FCRL4: variants seen among roughly 807,000 people sequenced by gnomAD.
FCRL4 encodes the protein Fc receptor like 4.
Under a neutral mutation model 64.1 loss-of-function variants are expected in FCRL4, and 43 were observed. That is an observed-to-expected ratio of 0.67 (90% CI 0.53 to 0.87). The LOEUF is 0.87. Among genes scored for constraint, FCRL4 ranks in the 40% least tolerant of loss-of-function variants. The pLI is 0.00. For synonymous variants in FCRL4, 253 were observed against 239.8 expected (o/e 1.05, Z -0.51); for missense variants, 656 against 613.5 (o/e 1.07, Z -0.73).
chr1:157,590,520 T>C (rs1652815587), intron 2 of FCRL4, among the ~76,000 whole-genome samples: 1 of 116,234 alleles, frequency 8.6e-6, no homozygotes, highest in Admixed American at 7.9e-5. Flanking sequence ...TAGTCTGTCT[T>C]TTTTTTTTTT....
At chr1:157,587,144 A>G (rs1652718972) in intron 5 of FCRL4, 132 bp downstream of exon 5, 1 of 936,204 alleles carries the variant, frequency 1.1e-6, no homozygotes, top group Non-Finnish European at 1.6e-6. Flanking sequence ...TTATTATAGT[A>G]CTGCACTTCT....
Position 157,587,877 on chromosome 1 carries a change from T to A in FCRL4, c.550A>T (p.Ile184Phe). 1 of 1,605,558 alleles carries A rather than the reference T, an allele frequency of 6.2e-7. No individual in the cohort carries two copies. Among genetic ancestry groups the A allele is most frequent in the Non-Finnish European group, 8.5e-7 (1 of 1,173,666 alleles). Residue 184 changes from isoleucine to phenylalanine, a missense_variant, in exon 4 of 12, where the codon ATT becomes TTT. Coordinates refer to ENST00000271532, the MANE Select transcript of FCRL4 (RefSeq NM_031282.3). Reference protein sequence around the residue: ...NDVFRSNFKIIKIQELFPHPE... With the variant: ...NDVFRSNFKIFKIQELFPHPE... ...CTGAAAGATTCACCTTGAATTTTAA[T>A]TATTTTGAAATTTGATCTAAATACA... is the stretch of plus-strand genomic sequence containing the variant.
At chr1:157,591,085 G>A (rs1393870678) in intron 2 of FCRL4, among the ~76,000 whole-genome samples, 2 of 152,126 alleles carry the variant, frequency 1.3e-5, no homozygotes, top group African/African-American at 4.8e-5. Flanking sequence ...TCTTTTGAAG[G>A]GCAATAAATA....
intron 6 of FCRL4, among the ~76,000 whole-genome samples, chr1:157,583,191 A>G (rs903999444): frequency 2.0e-5 from 3 of 152,182 alleles, no homozygotes; most frequent in African/African-American, 7.2e-5. Flanking sequence ...TAATACATGT[A>G]AAGTGCTTTG....
intron 6 of FCRL4, among the ~76,000 whole-genome samples, chr1:157,583,684 G>A (rs1431412095): frequency 1.3e-5 from 2 of 152,178 alleles, no homozygotes; most frequent in Non-Finnish European, 2.9e-5. Context: ...CCAGAACTAT[G>A]AGGAAATAGA....
At chr1:157,588,949 T>G (rs1652771839) in intron 3 of FCRL4, among the ~76,000 whole-genome samples, 1 of 152,268 alleles carries the variant, frequency 6.6e-6, no homozygotes, top group African/African-American at 2.4e-5. Context: ...AGCTTCATTT[T>G]TGTACTCCCT....
rs1254756368 is a variant in FCRL4, at chr1:157,580,370, C to T, written c.1250-22G>A. 4 of 1,614,036 alleles carry T rather than the reference C, an allele frequency of 2.5e-6. No individual in the cohort carries two copies. The South Asian group carries it at 3.3e-5, about 13-fold the overall frequency. On this transcript the variant is annotated intron_variant, in intron 7 of 11. Coordinates refer to ENST00000271532, the MANE Select transcript of FCRL4 (RefSeq NM_031282.3). ...ACTCCTGCAAAATAAAGCAAAGACG[C>T]ATTTTTGTCAGCAGAGGGAGCTCTT...
chr1:157,573,848 T>C lies in FCRL4; in HGVS notation c.*1676A>G, dbSNP rs1304505764. The C allele has an allele frequency of 1.0e-5, 2 of 191,968 alleles. No individual in the cohort carries two copies. Among genetic ancestry groups the C allele is most frequent in the Admixed American group, 1.2e-4 (2 of 16,254 alleles). 11.9% of individuals were successfully genotyped at this position (191,968 alleles called of 1,614,324 possible). A position where few individuals can be genotyped will look rare whatever the true frequency, so the allele number is the denominator to read the frequency against. On this transcript the variant is annotated 3_prime_UTR_variant, in exon 12 of 12. Coordinates refer to ENST00000271532, the MANE Select transcript of FCRL4 (RefSeq NM_031282.3). ...TCACTACAATAAACTATCACTTATA[T>C]CCAAAACACACAACAATTTCTTAAT...
chr1:157,593,368 C>T (rs556059377), intron 2 of FCRL4, among the ~76,000 whole-genome samples: 13 of 152,246 alleles, frequency 8.5e-5, no homozygotes, highest in African/African-American at 2.4e-4. Flanking sequence ...AAGGACCTAA[C>T]TTTGGTGGGC....
At chr1:157,579,039 A>G (rs17724162) in intron 8 of FCRL4, among the ~76,000 whole-genome samples, 187 bp from the exon 9 acceptor site, 40,893 of 152,064 alleles carry the variant, frequency 0.27, 7,015 homozygotes, top group East Asian at 0.51. Flanking sequence ...TGTTCTTTTT[A>G]AAAAAACCCT....
chr1:157,597,802 G>C, intron 1 of FCRL4, 112 bp downstream of exon 1: 1 of 711,188 alleles, frequency 1.4e-6, no homozygotes, highest in Non-Finnish European at 2.4e-6. Context: ...TTCATTTTCT[G>C]CTGTTCTAAA....
Position 157,586,163 on chromosome 1 carries a change from C to G in FCRL4, c.1135+5G>C, listed in dbSNP as rs1302654186. The G allele has an allele frequency of 1.9e-6, 3 of 1,599,948 alleles. No individual in the cohort carries two copies. The African/African-American group carries it at 4.0e-5, about 21-fold the overall frequency. ...TAAATAAGGTCAATAGAGATTAAAA[C>G]TCACCTCTCACAGTGACATTCAGCA... On this transcript the variant is annotated splice_donor_5th_base_variant and intron_variant, in intron 6 of 11. Coordinates refer to ENST00000271532, the MANE Select transcript of FCRL4 (RefSeq NM_031282.3).
Position 157,586,363 on chromosome 1 carries a change from CAG to C in FCRL4, c.938_939del (p.Ala313GlyfsTer140). 6.2e-7 allele frequency: 1 copy of C among 1,613,656 alleles called. No homozygotes were observed. ...GEMLVLVCSV[A>X]EGTGDTTFSW... ...GAGAATGTGGTATCCCCTGTGCCTTCAGCCACGGAGCAGACAAGGACCAGCAT... is the reference window on the plus strand; with the variant it reads ...GAGAATGTGGTATCCCCTGTGCCTTCCCACGGAGCAGACAAGGACCAGCAT... On this transcript the variant is annotated frameshift_variant, in exon 6 of 12. Transcript: ENST00000271532. LOFTEE classifies it high-confidence loss of function.
At chr1:157,589,672 G>C (rs113365153) in intron 2 of FCRL4, among the ~76,000 whole-genome samples, 13 of 140,164 alleles carry the variant, frequency 9.3e-5, no homozygotes, top group East Asian at 6.4e-4. Context: ...CCTTTCAGAG[G>C]GGGGGCAGCC....
chr1:157,592,974 C>T lies in FCRL4; in HGVS notation c.52+3354G>A, dbSNP rs191059975. 2.0e-3 allele frequency among the ~76,000 whole-genome samples: 311 copies of T among 152,164 alleles called. 2 individuals are homozygous for T. Among genetic ancestry groups the T allele is most frequent in the African/African-American group, 7.3e-3 (304 of 41,504 alleles). On this transcript the variant is annotated intron_variant, in intron 2 of 11. Coordinates refer to ENST00000271532, the MANE Select transcript of FCRL4 (RefSeq NM_031282.3). ...AGCTGGAAACCATCATTCTCGGCAA[C>T]CTATCACAAGGACAGAAAACCAAAC...
chr1:157,590,835 G>A lies in FCRL4; in HGVS notation c.53-1377C>T, dbSNP rs10082008. 5.0e-3 allele frequency among the ~76,000 whole-genome samples: 755 copies of A among 152,128 alleles called. 4 individuals carry two copies. Among genetic ancestry groups the A allele is most frequent in the African/African-American group, 0.016 (669 of 41,502 alleles). The stretch of plus-strand genomic sequence containing the variant: ...CCCCGTCTAATCTATCTTTTATCAG[G>A]TTAATTTATGGGCCCCAGAAAATTA... On this transcript the variant is annotated intron_variant, in intron 2 of 11. Transcript: ENST00000271532.
intron 7 of FCRL4, 94 bp from the exon 8 acceptor site, chr1:157,580,442 G>A (rs2101676598): frequency 7.5e-7 from 1 of 1,339,280 alleles, no homozygotes; most frequent in Non-Finnish European, 1.1e-6. Context: ...AGGTAATCAA[G>A]ACAGTCAATT....
rs763596492 is a variant in FCRL4 at position 157,586,199 on chromosome 1, G to A, written c.1104C>T (p.Val368=). ...YCTADNSYGP[V]QSMVLNVTVR... ...CAGTGACATTCAGCACCATGCTCTG[G>A]ACAGGGCCGTAGCTGTTGTCTGCTG... Residue 368 remains valine, a synonymous_variant, in exon 6 of 12, where the codon GTC becomes GTT. Coordinates refer to ENST00000271532, the MANE Select transcript of FCRL4 (RefSeq NM_031282.3). The A allele has an allele frequency of 1.1e-4, 181 of 1,613,468 alleles. No homozygotes were observed. The highest frequency in any genetic ancestry group is 1.4e-4 in the Non-Finnish European group (168 of 1,179,612).
Position 157,588,079 on chromosome 1 carries a change from A to G in FCRL4, c.348T>C (p.Gly116=). Residue 116 remains glycine, a synonymous_variant, in exon 4 of 12, where the codon GGT becomes GGC. Coordinates refer to ENST00000271532, the MANE Select transcript of FCRL4 (RefSeq NM_031282.3). ...ILQAPYSVFE[G]DTLVLRCHRR... ...TGTGGCATCTCAGAACCAATGTGTCACCTTCAAACACAGAATATGGTGCCT... is the reference window on the plus strand; with the variant it reads ...TGTGGCATCTCAGAACCAATGTGTCGCCTTCAAACACAGAATATGGTGCCT... 6.2e-7 allele frequency: 1 copy of G among 1,613,812 alleles called. No individual in the cohort carries two copies. The highest frequency in any genetic ancestry group is 8.5e-7 in the Non-Finnish European group (1 of 1,179,900).
Sources: allele counts gnomAD v4.1 joint callset (sites outside exome capture counted in the v4.1 genomes callset), GRCh38; gene constraint gnomAD v4.1.1; transcripts MANE v1.5; gene names NCBI Gene and HGNC (gene_info 2026-07-23, HGNC 2026-07-21).